Variants in SPMIP2 observed in about 807,000 individuals in gnomAD.
SPMIP2 encodes protein SPMIP2.
chr4:159,073,203 G>A, the SPMIP2 span, among the ~76,000 whole-genome samples: 1 of 152,012 alleles, frequency 6.6e-6, no homozygotes, highest in Non-Finnish European at 1.5e-5. Flanking sequence ...ACCCAGGCTG[G>A]AGTGCAGTGG....
the SPMIP2 span, among the ~76,000 whole-genome samples, chr4:159,013,168 A>G: frequency 3.9e-5 from 6 of 152,328 alleles, no homozygotes; most frequent in East Asian, 1.2e-3. Flanking sequence ...GCTGCAGGAA[A>G]AGGTATGGTG....
chr4:158,984,808 C>T, the SPMIP2 span, among the ~76,000 whole-genome samples: 661 of 151,250 alleles, frequency 4.4e-3, 3 homozygotes, highest in African/African-American at 0.015. Context: ...GAAACAGAGA[C>T]ACAAAAAACC....
the SPMIP2 span, among the ~76,000 whole-genome samples, chr4:159,072,481 G>A: frequency 3.5e-5 from 5 of 142,742 alleles, no homozygotes; most frequent in African/African-American, 1.3e-4. Context: ...TTTGGAGATA[G>A]GGTCTCACTT....
At chr4:158,970,040 G>A in the SPMIP2 span, among the ~76,000 whole-genome samples, 1 of 152,206 alleles carries the variant, frequency 6.6e-6, no homozygotes, top group Non-Finnish European at 1.5e-5. Context: ...ACACTGAGAA[G>A]TTTACCAGTT....
chr4:158,979,996 G>A, the SPMIP2 span, among the ~76,000 whole-genome samples: 1 of 151,992 alleles, frequency 6.6e-6, no homozygotes, highest in Non-Finnish European at 1.5e-5. Context: ...ACCGACCTGG[G>A]ACGCTCAAGC....
chr4:158,958,601 A>G, the SPMIP2 span, among the ~76,000 whole-genome samples: 1 of 152,212 alleles, frequency 6.6e-6, no homozygotes, highest in Non-Finnish European at 1.5e-5. Flanking sequence ...AGTGAATGCT[A>G]TTGACTGAAA....
At chr4:158,926,103 A>G in the SPMIP2 span, among the ~76,000 whole-genome samples, 1 of 152,230 alleles carries the variant, frequency 6.6e-6, no homozygotes, top group Non-Finnish European at 1.5e-5. Flanking sequence ...AGACCGTAGC[A>G]ATCAGTCTCA....
the SPMIP2 span, among the ~76,000 whole-genome samples, chr4:159,073,363 A>G: frequency 3.7e-4 from 57 of 152,196 alleles, no homozygotes; most frequent in African/African-American, 1.3e-3. Flanking sequence ...CATGTTGCCC[A>G]AGCTGTTCTC....
chr4:158,908,695 A>ATATT, the SPMIP2 span, among the ~76,000 whole-genome samples: 2 of 152,068 alleles, frequency 1.3e-5, no homozygotes, highest in Admixed American at 1.3e-4. Flanking sequence ...CTACTTCATT[A>ATATT]TATTTTTTGA....
the SPMIP2 span, among the ~76,000 whole-genome samples, chr4:158,913,358 GAT>G: frequency 1.3e-5 from 2 of 152,108 alleles, no homozygotes; most frequent in Non-Finnish European, 2.9e-5. Flanking sequence ...GAGTAGCTGG[GAT>G]TACAGGCATG....
At chr4:159,017,435 C>T in the SPMIP2 span, among the ~76,000 whole-genome samples, 1 of 151,850 alleles carries the variant, frequency 6.6e-6, no homozygotes, top group African/African-American at 2.4e-5. Context: ...TTCATTTACT[C>T]CTTCCTCCAA....
At chr4:158,894,442 G>T in the SPMIP2 span, among the ~76,000 whole-genome samples, 1 of 152,046 alleles carries the variant, frequency 6.6e-6, no homozygotes, top group African/African-American at 2.4e-5. Context: ...AAAGTGCTAG[G>T]ATTACATGCG....
At chr4:158,922,135 G>A in the SPMIP2 span, among the ~76,000 whole-genome samples, 30 of 152,160 alleles carry the variant, frequency 2.0e-4, no homozygotes, top group African/African-American at 4.8e-4. Context: ...TGATCTGCCC[G>A]CCTCGGCCTC....
the SPMIP2 span, among the ~76,000 whole-genome samples, chr4:158,953,651 A>G: frequency 6.6e-6 from 1 of 152,184 alleles, no homozygotes; most frequent in African/African-American, 2.4e-5. Context: ...TGCCTGGAAA[A>G]GCCACAGACA....
the SPMIP2 span, among the ~76,000 whole-genome samples, chr4:158,994,600 T>G: frequency 6.6e-6 from 1 of 152,152 alleles, no homozygotes; most frequent in Non-Finnish European, 1.5e-5. Flanking sequence ...AGGAATCAAG[T>G]AGACCTTGGA....
the SPMIP2 span, among the ~76,000 whole-genome samples, chr4:158,986,626 T>C: frequency 0.63 from 95,112 of 151,264 alleles, 30,271 homozygotes; most frequent in Middle Eastern, 0.71. Flanking sequence ...ATACAAAAAT[T>C]AATTCAAGAT....
the SPMIP2 span, among the ~76,000 whole-genome samples, chr4:158,901,218 C>T: frequency 1.3e-5 from 2 of 149,726 alleles, no homozygotes; most frequent in South Asian, 2.1e-4. Flanking sequence ...CTGCAACCTC[C>T]GCCCCTCCAG....
the SPMIP2 span, among the ~76,000 whole-genome samples, chr4:158,901,663 A>G: frequency 6.6e-6 from 1 of 151,548 alleles, no homozygotes; most frequent in Non-Finnish European, 1.5e-5. Flanking sequence ...ATAGTCTCAT[A>G]TTTCTTGGAG....
the SPMIP2 span, among the ~76,000 whole-genome samples, chr4:159,078,632 A>C: frequency 6.6e-6 from 1 of 152,220 alleles, no homozygotes; most frequent in South Asian, 2.1e-4. Context: ...AAGGTGAAGA[A>C]AGCTTGATGA....
Sources: gnomAD v4.1 joint callset for allele counts (sites outside exome capture counted in the v4.1 genomes callset) on GRCh38, gnomAD v4.1.1 for gene constraint, MANE v1.5 for transcripts, NCBI Gene and HGNC (gene_info 2026-07-23, HGNC 2026-07-21) for gene names.